GGA3: variants seen among roughly 807,000 people sequenced by gnomAD.
The protein encoded by GGA3 is golgi associated, gamma adaptin ear containing, ARF binding protein 3, also known as ADP-ribosylation factor-binding protein GGA3.
GGA3 carries 57 observed loss-of-function variants against 77.5 expected under a neutral mutation model. The ratio of observed to expected loss-of-function variants is 0.74; its 90% CI spans 0.59 to 0.92. The LOEUF is 0.92. Among genes scored for constraint, GGA3 ranks in the 40% least tolerant of loss-of-function variants. GGA3 has a pLI of 0.00. For missense variants in GGA3, 970 were observed against 914.9 expected, an observed-to-expected ratio of 1.06 and a Z score of -0.78; for synonymous variants, 416 against 383.7, an observed-to-expected ratio of 1.08 and a Z score of -0.98.
At chr17:75,259,538 A>G (rs1372873201) in intron 1 of GGA3, among the ~76,000 whole-genome samples, 2 of 152,182 alleles carry the variant, frequency 1.3e-5, no homozygotes, top group Admixed American at 6.5e-5. Flanking sequence ...AGCCACAGAG[A>G]AAAAGGCCTG....
intron 4 of GGA3, among the ~76,000 whole-genome samples, chr17:75,244,110 CA>C (rs751767040): frequency 6.6e-6 from 1 of 152,112 alleles, no homozygotes; most frequent in Non-Finnish European, 1.5e-5. Flanking sequence ...TTTTCACGCA[CA>C]AGTTGCCAGA....
At chr17:75,253,545 C>T (rs377010097) in intron 1 of GGA3, among the ~76,000 whole-genome samples, 44 of 152,264 alleles carry the variant, frequency 2.9e-4, no homozygotes, top group African/African-American at 9.9e-4. Flanking sequence ...CCCTTCTCTC[C>T]GTGTCTCTAC....
intron 3 of GGA3, 64 bp from the exon 4 acceptor site, chr17:75,244,781 C>A: frequency 1.9e-6 from 2 of 1,045,930 alleles, no homozygotes; most frequent in Non-Finnish European, 3.0e-6. Context: ...CTGGCACTGG[C>A]AAGATCCCTG....
At chr17:75,255,481 C>G (rs1226589089) in intron 1 of GGA3, among the ~76,000 whole-genome samples, 1 of 151,420 alleles carries the variant, frequency 6.6e-6, no homozygotes, top group Non-Finnish European at 1.5e-5. Context: ...TAAGATACCT[C>G]TACTCCCTCC....
intron 11 of GGA3, 192 bp from the exon 12 acceptor site, chr17:75,240,604 G>T: frequency 3.0e-6 from 2 of 674,906 alleles, no homozygotes; most frequent in Non-Finnish European, 5.0e-6. Flanking sequence ...GGGCCTGTGG[G>T]GCGGGGTGCA....
chr17:75,243,409 G>T, intron 5 of GGA3, 38 bp downstream of exon 5: 15 of 1,612,442 alleles, frequency 9.3e-6, no homozygotes, highest in Non-Finnish European at 1.3e-5. Context: ...GCCAGCCTTC[G>T]AGGGCTGCCT....
At chr17:75,247,793 C>G (rs2076809201) in intron 1 of GGA3, among the ~76,000 whole-genome samples, 1 of 152,146 alleles carries the variant, frequency 6.6e-6, no homozygotes, top group East Asian at 1.9e-4. Flanking sequence ...TACTAGAGTT[C>G]TCAGAGGGCC....
At chr17:75,241,164 T>A in intron 10 of GGA3, 107 bp from the exon 11 acceptor site, 1 of 1,308,498 alleles carries the variant, frequency 7.6e-7, no homozygotes, top group Non-Finnish European at 1.1e-6. Flanking sequence ...GCCTCTGGCC[T>A]AATCCAACGG....
chr17:75,247,263 ATTTT>A (rs373755619), intron 1 of GGA3, among the ~76,000 whole-genome samples: 16,764 of 145,800 alleles, frequency 0.11, 2,686 homozygotes, highest in African/African-American at 0.35. Flanking sequence ...GTAACCACAA[ATTTT>A]TTTTTTTTTT....
intron 14 of GGA3, 104 bp from the exon 15 acceptor site, chr17:75,239,187 G>A: frequency 1.8e-6 from 2 of 1,119,664 alleles, no homozygotes; most frequent in Non-Finnish European, 2.5e-6. Flanking sequence ...GATGAGTCCA[G>A]TGCTTCCTAA....
intron 14 of GGA3, 50 bp from the exon 15 acceptor site, chr17:75,239,133 A>C (rs528375956): frequency 1.9e-6 from 3 of 1,548,394 alleles, no homozygotes; most frequent in South Asian, 1.1e-5. Flanking sequence ...GAGACACCCA[A>C]CAGAGCCCCG....
At chr17:75,240,241 C>T (rs1040362801) in intron 12 of GGA3, 101 bp downstream of exon 12, 32 of 1,139,410 alleles carry the variant, frequency 2.8e-5, no homozygotes, top group African/African-American at 2.5e-4. Flanking sequence ...GCAGCTGGCA[C>T]GCTCTGGAGG....
chr17:75,250,761 C>T (rs1471410239), intron 1 of GGA3, among the ~76,000 whole-genome samples: 1 of 35,458 alleles, frequency 2.8e-5, no homozygotes, highest in Non-Finnish European at 5.5e-5. Flanking sequence ...GACTCCATCT[C>T]CAAAAAAAAA....
chr17:75,251,797 G>C (rs1322132593), intron 1 of GGA3, among the ~76,000 whole-genome samples: 4 of 150,764 alleles, frequency 2.7e-5, no homozygotes, highest in Admixed American at 1.3e-4. Context: ...TTTGAGACAG[G>C]GTCTCACTCT....
rs1357712477 is a variant in GGA3, at chr17:75,249,016, G to A, written c.41-2220C>T. The A allele has an allele frequency of 1.2e-5, 12 of 983,600 alleles. No homozygotes were observed. In the South Asian group the frequency reaches 3.8e-4, roughly 31 times the overall value. 60.9% of individuals were successfully genotyped at this position (983,600 alleles called of 1,614,324 possible). On this transcript the variant is annotated intron_variant, in intron 1 of 16. Transcript: ENST00000537686. ...GCAGTGTTTCTGTTGTGGCTGCAAG[G>A]GGAAGATTCTGATGGTTTAGGTTCA...
chr17:75,240,788 CCT>C (rs1305392706), intron 11 of GGA3, 22 bp downstream of exon 11: 19 of 1,590,804 alleles, frequency 1.2e-5, no homozygotes, highest in Non-Finnish European at 1.5e-5. Context: ...AGGGGATGCC[CCT>C]GACGCCCCCT....
In GGA3 at chr17:75,238,350, C is replaced by G. The variant is rs1169188958; in HGVS notation, c.2101G>C (p.Gly701Arg). Residue 701 changes from glycine (G) to arginine (R), a missense_variant, in exon 17 of 17, where the codon GGG becomes CGG. Coordinates refer to ENST00000537686, the MANE Select transcript of GGA3 (RefSeq NM_138619.4). ...CCCACCTCTGTGCTCAGCTGCTCCC[C>G]CAGGGCGAAGGTCAGCTTATACCGA... Reference protein sequence around the residue: ...RLRYKLTFALGEQLSTEVGEV... With the variant: ...RLRYKLTFALREQLSTEVGEV... 6.2e-7 allele frequency: 1 copy of G among 1,613,946 alleles called. No homozygotes were observed. The highest frequency in any genetic ancestry group is 8.5e-7 in the Non-Finnish European group (1 of 1,179,998).
At chr17:75,254,303 C>T (rs1324866890) in intron 1 of GGA3, among the ~76,000 whole-genome samples, 1 of 152,116 alleles carries the variant, frequency 6.6e-6, no homozygotes, top group Non-Finnish European at 1.5e-5. Flanking sequence ...CTTTTATCAC[C>T]TCCCCTCCTC....
At chr17:75,238,799 G>T (rs1466738796) in intron 15 of GGA3, 37 bp from the exon 16 acceptor site, 1 of 1,582,948 alleles carries the variant, frequency 6.3e-7, no homozygotes, top group African/African-American at 1.3e-5. Flanking sequence ...AGAACTGGTA[G>T]GTGCCCCCAG....
Sources: allele counts gnomAD v4.1 joint callset (sites outside exome capture counted in the v4.1 genomes callset), GRCh38; gene constraint gnomAD v4.1.1; transcripts MANE v1.5; gene names NCBI Gene and HGNC (gene_info 2026-07-23, HGNC 2026-07-21).